The following ELL2 variants were observed in gnomAD, a reference collection of about 807,000 sequenced individuals.
ELL2 encodes the protein elongation factor for RNA polymerase II 2.
Under a neutral mutation model 72.8 loss-of-function variants are expected in ELL2, and 21 were observed. That is an observed-to-expected ratio of 0.29 (90% CI 0.20 to 0.42). The LOEUF (loss-of-function observed/expected upper bound fraction) is 0.42. Ranked by LOEUF, ELL2 falls within the 10% of genes least tolerant of loss-of-function variation. The pLI, the probability that ELL2 is intolerant of heterozygous loss-of-function variation, is 1.00. For synonymous variants in ELL2, 266 were observed against 283.2 expected (o/e 0.94, Z 0.61); for missense variants, 568 against 772.8 (o/e 0.73, Z 3.14).
At chr5:95,956,697 A>G (rs749177262) in intron 1 of ELL2, among the ~76,000 whole-genome samples, 10 of 152,214 alleles carry the variant, frequency 6.6e-5, no homozygotes, top group Non-Finnish European at 1.0e-4. Flanking sequence ...CACCTGGTAG[A>G]AAAAAAGGAT....
At chr5:95,941,170 G>A (rs1266949234) in intron 2 of ELL2, among the ~76,000 whole-genome samples, 1 of 151,964 alleles carries the variant, frequency 6.6e-6, no homozygotes, top group Non-Finnish European at 1.5e-5. Context: ...CATTTGCTTG[G>A]GTTAAAAAGC....
At chr5:95,902,647 A>G (rs1453537129) in intron 5 of ELL2, among the ~76,000 whole-genome samples, 1 of 152,216 alleles carries the variant, frequency 6.6e-6, no homozygotes, top group Non-Finnish European at 1.5e-5. Flanking sequence ...TAATGTTTCT[A>G]TTAAGGAGAA....
chr5:95,943,487 C>CA (rs1461446327), intron 1 of ELL2, among the ~76,000 whole-genome samples: 1 of 151,574 alleles, frequency 6.6e-6, no homozygotes, highest in Non-Finnish European at 1.5e-5. Flanking sequence ...CATGATTTGG[C>CA]AAAAAATGGT....
rs182294996 is a variant in ELL2 at position 95,886,981 on chromosome 5, A to T, written c.*1890T>A. On this transcript the variant is annotated 3_prime_UTR_variant, in exon 12 of 12. Transcript: ENST00000237853. ...TACCTATAGACGAACCACTCAGGAGACTCTATCATAATAATATGATGCCTG... is the reference window on the plus strand; with the variant it reads ...TACCTATAGACGAACCACTCAGGAGTCTCTATCATAATAATATGATGCCTG... 6.6e-6 allele frequency: 1 copy of T among 152,254 alleles called. No individual in the cohort carries two copies. 9.4% of individuals were successfully genotyped at this position (152,254 alleles called of 1,614,324 possible).
intron 2 of ELL2, among the ~76,000 whole-genome samples, chr5:95,936,100 G>A (rs2112338976): frequency 6.6e-6 from 1 of 152,304 alleles, no homozygotes. Flanking sequence ...TGAAGTATGG[G>A]TAAAGACTAT....
intron 4 of ELL2, among the ~76,000 whole-genome samples, chr5:95,908,135 C>A (rs1210050464): frequency 3.3e-5 from 5 of 152,166 alleles, no homozygotes; most frequent in African/African-American, 1.2e-4. Context: ...ATAACAAAAA[C>A]TTAAGTTATA....
chr5:95,960,511 G>A (rs1751789694), intron 1 of ELL2, among the ~76,000 whole-genome samples: 1 of 151,778 alleles, frequency 6.6e-6, no homozygotes, highest in African/African-American at 2.4e-5. Context: ...GTACTGGAGG[G>A]GTGTGTGTGT....
chr5:95,907,703 G>T (rs1408781476), intron 4 of ELL2, among the ~76,000 whole-genome samples: 1 of 152,200 alleles, frequency 6.6e-6, no homozygotes, highest in African/African-American at 2.4e-5. Flanking sequence ...TGATTCTACA[G>T]GTGGAATCTT....
intron 4 of ELL2, among the ~76,000 whole-genome samples, chr5:95,908,292 C>G (rs367993979): frequency 6.6e-6 from 1 of 152,118 alleles, no homozygotes; most frequent in Non-Finnish European, 1.5e-5. Context: ...AGGCAGGTAC[C>G]GTCCCCTTTC....
In ELL2 at chr5:95,927,476, TACAC is replaced by T. The variant is rs560734864; in HGVS notation, c.196-7935_196-7932del. ...ACACACACACGTGTGTATATAGACA[TACAC>T]ACACGTGTGTATATAGACATACACA... On this transcript the variant is annotated intron_variant, in intron 2 of 11. Transcript: ENST00000237853. Among the ~76,000 whole-genome samples, 3 of 18,926 alleles carry T rather than the reference TACAC, an allele frequency of 1.6e-4. 1 individual carries two copies. The African/African-American group carries it at 1.7e-3, about 10-fold the overall frequency. 12.4% of individuals were successfully genotyped at this position (18,926 alleles called of 152,430 possible).
At chr5:95,929,994 A>C (rs1256072623) in intron 2 of ELL2, among the ~76,000 whole-genome samples, 1 of 152,178 alleles carries the variant, frequency 6.6e-6, no homozygotes, top group Non-Finnish European at 1.5e-5. Flanking sequence ...ACACTCGCCG[A>C]ATACTCTGGC....
At chr5:95,901,111 G>T (rs777407527) in intron 5 of ELL2, 31 bp from the exon 6 acceptor site, 1 of 1,571,104 alleles carries the variant, frequency 6.4e-7, no homozygotes, top group South Asian at 1.2e-5. Flanking sequence ...AGAGCATTAG[G>T]TATTTTTACT....
At chr5:95,891,682 A>C (rs1748668960) in intron 9 of ELL2, among the ~76,000 whole-genome samples, 1 of 152,236 alleles carries the variant, frequency 6.6e-6, no homozygotes, top group South Asian at 2.1e-4. Context: ...AACCAGGAGA[A>C]TGTCACGCAG....
chr5:95,933,223 G>A (rs1750658582), intron 2 of ELL2, among the ~76,000 whole-genome samples: 1 of 152,124 alleles, frequency 6.6e-6, no homozygotes, highest in South Asian at 2.1e-4. Flanking sequence ...GATTCAGATG[G>A]GATAAATGAT....
intron 1 of ELL2, among the ~76,000 whole-genome samples, chr5:95,957,487 G>T (rs1362373105): frequency 6.6e-6 from 1 of 152,100 alleles, no homozygotes; most frequent in Non-Finnish European, 1.5e-5. Flanking sequence ...GGTTAATATT[G>T]TAGATATCTG....
At chr5:95,913,642 C>T in intron 4 of ELL2, 129 bp downstream of exon 4, 2 of 1,075,126 alleles carry the variant, frequency 1.9e-6, no homozygotes, top group Non-Finnish European at 2.6e-6. Context: ...TTTTTCTCAC[C>T]ATGTTATCCA....
At chr5:95,946,670 A>G (rs1395234524) in intron 1 of ELL2, among the ~76,000 whole-genome samples, 2 of 152,168 alleles carry the variant, frequency 1.3e-5, no homozygotes, top group Non-Finnish European at 2.9e-5. Context: ...TCCTCCCAAC[A>G]ATGGCTCAGC....
At chr5:95,894,925 C>T (rs968489787) in intron 9 of ELL2, among the ~76,000 whole-genome samples, 1 of 152,052 alleles carries the variant, frequency 6.6e-6, no homozygotes, top group Non-Finnish European at 1.5e-5. Context: ...TCAAAGCTAT[C>T]CAAAGTCAGA....
chr5:95,959,517 C>G (rs145559074), intron 1 of ELL2, among the ~76,000 whole-genome samples: 1 of 152,314 alleles, frequency 6.6e-6, no homozygotes, highest in African/African-American at 2.4e-5. Flanking sequence ...TTTCTCTCCA[C>G]TGTCTGCTTC....
Sources: gnomAD v4.1 joint callset for allele counts (sites outside exome capture counted in the v4.1 genomes callset) on GRCh38, gnomAD v4.1.1 for gene constraint, MANE v1.5 for transcripts, NCBI Gene and HGNC (gene_info 2026-07-23, HGNC 2026-07-21) for gene names.